The following CBFA2T3 variants were observed in gnomAD, a reference collection of about 807,000 sequenced individuals.
CBFA2T3 encodes the protein transcriptional corepressor CBFA2T3.
In CBFA2T3, 31 loss-of-function variants were observed where a neutral mutation model predicts 58.6. That is an observed-to-expected ratio of 0.53 (90% CI 0.40 to 0.71). The LOEUF is 0.71. Ranked by LOEUF, CBFA2T3 falls within the 30% of genes least tolerant of loss-of-function variation. CBFA2T3 has a pLI of 0.00. For synonymous variants in CBFA2T3, 531 were observed against 421.9 expected, an observed-to-expected ratio of 1.26 and a Z score of -3.17; for missense variants, 1,076 against 963.1, an observed-to-expected ratio of 1.12 and a Z score of -1.55.
At chr16:88,941,724 C>A (rs1971742206) in intron 1 of CBFA2T3, 1 of 149,708 alleles carries the variant, frequency 6.7e-6, no homozygotes, top group Admixed American at 6.6e-5. Flanking sequence ...GGGGGCGGCC[C>A]CCGCCTGCGC....
At chr16:88,904,903 G>A (rs1263937425) in intron 1 of CBFA2T3, among the ~76,000 whole-genome samples, 1 of 152,164 alleles carries the variant, frequency 6.6e-6, no homozygotes. Context: ...AGTTCCCCAC[G>A]CCCTGCCTTG....
chr16:88,975,168 T>TGACC (rs1972800467), intron 1 of CBFA2T3, among the ~76,000 whole-genome samples: 106 of 76,680 alleles, frequency 1.4e-3, no homozygotes, highest in Non-Finnish European at 1.9e-3. Flanking sequence ...ACCCTGACCC[T>TGACC]CTCTGCTCCA....
At chr16:88,941,464 G>C (rs1283344090) in intron 1 of CBFA2T3, among the ~76,000 whole-genome samples, 1 of 148,072 alleles carries the variant, frequency 6.8e-6, no homozygotes, top group Non-Finnish European at 1.5e-5. Flanking sequence ...CCGCCCCGGG[G>C]CGCCGGCCTG....
chr16:88,906,129 C>T (rs926110184), intron 1 of CBFA2T3, among the ~76,000 whole-genome samples: 53 of 152,116 alleles, frequency 3.5e-4, no homozygotes, highest in Admixed American at 2.4e-3. Flanking sequence ...TCTATCCCTG[C>T]ACCCCCAAGC....
chr16:88,975,302 G>A (rs1471194646), intron 1 of CBFA2T3, among the ~76,000 whole-genome samples: 2 of 144,214 alleles, frequency 1.4e-5, no homozygotes, highest in South Asian at 2.2e-4. Context: ...ACTCAGGCAC[G>A]GGGCCACCTC....
At chr16:88,900,799 G>C (rs527374527) in intron 2 of CBFA2T3, among the ~76,000 whole-genome samples, 1 of 152,238 alleles carries the variant, frequency 6.6e-6, no homozygotes. Context: ...GGCTCTGCGG[G>C]TGACTGTGAT....
Position 88,875,518 on chromosome 16 carries a change from G to GT in CBFA2T3, c.*1457dup, listed in dbSNP as rs1381811882. On this transcript the variant is annotated 3_prime_UTR_variant, in exon 12 of 12. Transcript: ENST00000268679. ...GGCTGCTTTTGTTTGTAGTTTTTTT[G>GT]TTTTTTCTGCAAAAGTTTGGAAGAA... 3.0e-5 allele frequency: 7 copies of GT among 233,764 alleles called. No individual in the cohort carries two copies. The highest frequency in any genetic ancestry group is 2.5e-3 in the Middle Eastern group (2 of 788). The allele number at this position is 233,764 out of a possible 1,614,324, so 14.5% of individuals were successfully genotyped here.
intron 3 of CBFA2T3, among the ~76,000 whole-genome samples, chr16:88,894,158 C>T (rs566983138): frequency 7.2e-5 from 11 of 151,790 alleles, no homozygotes; most frequent in South Asian, 2.1e-4. Flanking sequence ...CACACATGCA[C>T]GCACACATGC....
intron 3 of CBFA2T3, among the ~76,000 whole-genome samples, chr16:88,897,326 G>C (rs961164972): frequency 5.9e-5 from 9 of 152,246 alleles, no homozygotes; most frequent in Non-Finnish European, 1.2e-4. Context: ...CTCGTTCTTA[G>C]AGCCGGGAGT....
At chr16:88,932,641 C>T (rs1035458434) in intron 1 of CBFA2T3, among the ~76,000 whole-genome samples, 1 of 149,056 alleles carries the variant, frequency 6.7e-6, no homozygotes, top group African/African-American at 2.5e-5. Flanking sequence ...AGGGAGACCC[C>T]GACTATAAGT....
In CBFA2T3 at chr16:88,891,954, G is replaced by A. The variant is rs201600759; in HGVS notation, c.639C>T (p.Ile213=). Reference sequence around the variant, plus strand: ...CCTGAAGCTTGGAATGAAACTCCTCGATCGTCAATGTCGAGTTCTGCAGGG... The same window carrying A: ...CCTGAAGCTTGGAATGAAACTCCTCAATCGTCAATGTCGAGTTCTGCAGGG... The part of the protein sequence containing the change: ...VLGLVNSTLT[I]EEFHSKLQEA... Residue 213 remains isoleucine, a synonymous_variant, in exon 5 of 12, where the codon ATC becomes ATT. Coordinates refer to ENST00000268679, the MANE Select transcript of CBFA2T3 (RefSeq NM_005187.6). 707 of 1,612,972 alleles carry A rather than the reference G, an allele frequency of 4.4e-4. No homozygotes were observed. The highest frequency in any genetic ancestry group is 5.8e-4 in the East Asian group (26 of 44,872).
intron 1 of CBFA2T3, among the ~76,000 whole-genome samples, chr16:88,927,655 A>G (rs1971128117): frequency 6.6e-6 from 1 of 152,142 alleles, no homozygotes; most frequent in South Asian, 2.1e-4. Flanking sequence ...AGGGGGGTTC[A>G]GCTGTCACAG....
At chr16:88,926,377 C>T (rs561981395) in intron 1 of CBFA2T3, among the ~76,000 whole-genome samples, 396 of 152,360 alleles carry the variant, frequency 2.6e-3, no homozygotes, top group Non-Finnish European at 3.8e-3. Flanking sequence ...AGGGACCTGG[C>T]GTGCTATGGG....
chr16:88,957,637 G>T (rs1972250847), intron 1 of CBFA2T3: 1 of 152,226 alleles, frequency 6.6e-6, no homozygotes, highest in African/African-American at 2.4e-5. Context: ...TAGACTGTCA[G>T]CCGAGCACAG....
chr16:88,976,921 G>T lies in CBFA2T3; in HGVS notation c.-114C>A, dbSNP rs911550036. ...AAGAGGAGGGGCTGGGCCAGCTGGG[G>T]CGTCCTGGAGTTGGGCCTCTGTCCC... is the stretch of plus-strand genomic sequence containing the variant. On this transcript the variant is annotated 5_prime_UTR_variant, in exon 1 of 12. Transcript: ENST00000268679. The T allele has an allele frequency of 7.5e-7, 1 of 1,331,060 alleles. No individual in the cohort carries two copies. The highest frequency in any genetic ancestry group is 1.0e-6 in the Non-Finnish European group (1 of 988,542). 82.5% of individuals were successfully genotyped at this position (1,331,060 alleles called of 1,614,324 possible). A position where few individuals can be genotyped will look rare whatever the true frequency, so the allele number is the denominator to read the frequency against.
At chr16:88,914,336 C>T (rs1010349424) in intron 1 of CBFA2T3, among the ~76,000 whole-genome samples, 2 of 152,186 alleles carry the variant, frequency 1.3e-5, no homozygotes, top group African/African-American at 4.8e-5. Flanking sequence ...TTGTCAGGCC[C>T]ATAGCCGTGT....
At chr16:88,947,843 G>A (rs891974697) in intron 1 of CBFA2T3, among the ~76,000 whole-genome samples, 8 of 152,214 alleles carry the variant, frequency 5.3e-5, no homozygotes, top group South Asian at 2.1e-4. Context: ...GAGCCCAAGA[G>A]GTTAAGGCTG....
At chr16:88,943,945 C>T (rs900154037) in intron 1 of CBFA2T3, among the ~76,000 whole-genome samples, 13 of 151,980 alleles carry the variant, frequency 8.6e-5, no homozygotes, top group African/African-American at 2.7e-4. Flanking sequence ...ACTCAGGGCT[C>T]GGGAGGGGGC....
chr16:88,968,323 G>A (rs1327973106), intron 1 of CBFA2T3, among the ~76,000 whole-genome samples: 1 of 152,226 alleles, frequency 6.6e-6, no homozygotes, highest in African/African-American at 2.4e-5. Context: ...GCGGCTGCCT[G>A]CTGTCTCCCT....
Sources: gnomAD v4.1 joint callset for allele counts (sites outside exome capture counted in the v4.1 genomes callset) on GRCh38, gnomAD v4.1.1 for gene constraint, MANE v1.5 for transcripts, NCBI Gene and HGNC (gene_info 2026-07-23, HGNC 2026-07-21) for gene names.